The following ATP9B variants were observed in gnomAD, a reference collection of about 807,000 sequenced individuals.
The protein encoded by ATP9B is probable phospholipid-transporting ATPase IIB.
A neutral mutation model predicts 146.1 loss-of-function variants in ATP9B; 110 were observed. That is an observed-to-expected ratio of 0.75 (90% confidence interval 0.65 to 0.88). The LOEUF (loss-of-function observed/expected upper bound fraction) is 0.88, where lower values mean the gene tolerates loss of function less well. Ranked by LOEUF, ATP9B falls within the 40% of genes least tolerant of loss-of-function variation. The pLI, the probability that ATP9B is intolerant of heterozygous loss-of-function variation, is 0.00. For missense variants in ATP9B, 1,499 were observed against 1,496.4 expected, an observed-to-expected ratio of 1.00 and a Z score of -0.03; for synonymous variants, 604 against 569.7, an observed-to-expected ratio of 1.06 and a Z score of -0.86.
intron 7 of ATP9B, among the ~76,000 whole-genome samples, chr18:79,157,838 A>G (rs1215674891): frequency 2.0e-5 from 3 of 152,114 alleles, no homozygotes; most frequent in Admixed American, 1.3e-4. Context: ...TATTTCTGTC[A>G]GGTTGGTAGT....
chr18:79,088,396 G>A (rs1189108158), intron 1 of ATP9B, among the ~76,000 whole-genome samples: 1 of 152,136 alleles, frequency 6.6e-6, no homozygotes, highest in Non-Finnish European at 1.5e-5. Flanking sequence ...TAAAAGAAGT[G>A]ATCTCATACA....
intron 2 of ATP9B, among the ~76,000 whole-genome samples, chr18:79,098,575 C>G (rs988102796): frequency 1.3e-5 from 2 of 151,872 alleles, no homozygotes; most frequent in Non-Finnish European, 2.9e-5. Flanking sequence ...GGGCGAAGGA[C>G]ATGAACAGAC....
At chr18:79,107,680 G>C (rs1188383564) in intron 2 of ATP9B, among the ~76,000 whole-genome samples, 2 of 152,142 alleles carry the variant, frequency 1.3e-5, no homozygotes, top group Non-Finnish European at 2.9e-5. Context: ...TTTTTCCATT[G>C]TGTTTTGTTG....
At chr18:79,367,076 CGT>C (rs2097034958) in intron 26 of ATP9B, among the ~76,000 whole-genome samples, 2 of 141,524 alleles carry the variant, frequency 1.4e-5, no homozygotes, top group African/African-American at 5.3e-5. Flanking sequence ...TCACCTCCAC[CGT>C]GTGTACGCAG....
rs2096606583 is a variant in ATP9B at position 79,303,843 on chromosome 18, C to T, written c.1524+127C>T. On this transcript the variant is annotated intron_variant, in intron 14 of 29. Transcript: ENST00000426216. ...TGGTGGTCTTAACATCCTGCTACTT[C>T]AGTCGTCTGTTCGAATATACGAATC... 1.7e-5 allele frequency: 10 copies of T among 579,760 alleles called. No individual in the cohort carries two copies. In the South Asian group the frequency reaches 2.5e-4, roughly 15 times the overall value. The allele number at this position is 579,760 out of a possible 1,614,324, so 35.9% of individuals were successfully genotyped here.
chr18:79,069,511 G>C lies in ATP9B; in HGVS notation c.101G>C (p.Gly34Ala). ...AYYSAAGPRPGADRHSRYQLE... is the reference protein window; with the variant it reads ...AYYSAAGPRPAADRHSRYQLE... ...TACAGCGCCGCGGGGCCCAGGCCGG[G>C]AGCCGACCGGCACAGCAGGTAACCG... The change falls in exon 1 of 30, where the codon GGA (glycine) becomes GCA (alanine). Residue 34 changes from glycine to alanine, a missense_variant. Gly to Ala is a moderately conservative substitution (Grantham distance 60). Transcript: ENST00000426216. 2 of 1,435,960 alleles carry C rather than the reference G, an allele frequency of 1.4e-6. No homozygotes were observed. The highest frequency in any genetic ancestry group is 1.8e-6 in the Non-Finnish European group (2 of 1,092,896). 89.0% of individuals were successfully genotyped at this position (1,435,960 alleles called of 1,614,324 possible).
chr18:79,362,137 T>C (rs896817183), intron 26 of ATP9B: 1 of 152,232 alleles, frequency 6.6e-6, no homozygotes. Context: ...AGGCAAGGCA[T>C]GCATTCCCTG....
intron 15 of ATP9B, among the ~76,000 whole-genome samples, chr18:79,320,448 G>A (rs566867644): frequency 1.1e-4 from 16 of 152,194 alleles, no homozygotes; most frequent in African/African-American, 1.9e-4. Flanking sequence ...CTGCGCGGCC[G>A]GCACTCCACA....
At chr18:79,126,160 T>C in intron 4 of ATP9B, 107 bp from the exon 5 acceptor site, 1 of 845,984 alleles carries the variant, frequency 1.2e-6, no homozygotes, top group Non-Finnish European at 1.8e-6. Flanking sequence ...ATTTTATGTT[T>C]TAGAGAGTAA....
intron 29 of ATP9B, chr18:79,376,417 C>T: frequency 1.0e-6 from 1 of 973,642 alleles, no homozygotes; most frequent in Non-Finnish European, 1.2e-6. Flanking sequence ...GAGACGAAGT[C>T]TCACTCTTGT....
chr18:79,144,936 G>A lies in ATP9B; in HGVS notation c.726+1076G>A, dbSNP rs1466441734. On this transcript the variant is annotated intron_variant, in intron 6 of 29. Coordinates refer to ENST00000426216, the MANE Select transcript of ATP9B (RefSeq NM_198531.5). ...AAAGAAGAAGTTTAGATCAGTGTAC[G>A]AAGAAGCTATAAGAAAAACATCAAA... 6.6e-5 allele frequency: 14 copies of A among 212,610 alleles called. No individual in the cohort carries two copies. In the East Asian group the frequency reaches 1.2e-3, roughly 18 times the overall value. The allele number at this position is 212,610 out of a possible 1,614,324, so 13.2% of individuals were successfully genotyped here.
chr18:79,098,865 C>T (rs1220430670), intron 2 of ATP9B, among the ~76,000 whole-genome samples: 1 of 152,112 alleles, frequency 6.6e-6, no homozygotes, highest in African/African-American at 2.4e-5. Context: ...ATCTTTCATT[C>T]CATTGACATT....
At chr18:79,237,179 G>A (rs2095849116) in intron 11 of ATP9B, among the ~76,000 whole-genome samples, 1 of 84,048 alleles carries the variant, frequency 1.2e-5, no homozygotes, top group African/African-American at 5.0e-5. Flanking sequence ...TCCCCACTGT[G>A]TACACAGTCC....
intron 26 of ATP9B, among the ~76,000 whole-genome samples, chr18:79,370,247 G>A (rs1389426884): frequency 6.6e-6 from 1 of 152,170 alleles, no homozygotes; most frequent in Non-Finnish European, 1.5e-5. Context: ...CTGGCATTGT[G>A]CATATTTTAT....
chr18:79,199,931 C>T (rs2095451882), intron 9 of ATP9B, among the ~76,000 whole-genome samples: 1 of 152,132 alleles, frequency 6.6e-6, no homozygotes, highest in African/African-American at 2.4e-5. Context: ...GTTTTTCTGG[C>T]AGAACCCTGG....
chr18:79,320,289 G>A (rs1399968385), intron 15 of ATP9B, among the ~76,000 whole-genome samples: 1 of 152,170 alleles, frequency 6.6e-6, no homozygotes, highest in Non-Finnish European at 1.5e-5. Flanking sequence ...TCCCTAGAAC[G>A]CAGCGGAGGC....
At chr18:79,339,003 G>T (rs2096842048) in intron 19 of ATP9B, among the ~76,000 whole-genome samples, 1 of 152,226 alleles carries the variant, frequency 6.6e-6, no homozygotes, top group South Asian at 2.1e-4. Flanking sequence ...TTTCCTTGCT[G>T]TCTAGAGGTC....
At chr18:79,157,206 ATAC>A (rs1288207330) in intron 7 of ATP9B, among the ~76,000 whole-genome samples, 4 of 112,108 alleles carry the variant, frequency 3.6e-5, no homozygotes, top group Non-Finnish European at 7.1e-5. Flanking sequence ...ACTAAAAAAA[ATAC>A]ACACACACAC....
chr18:79,070,037 T>C (rs1314119435), intron 1 of ATP9B, among the ~76,000 whole-genome samples: 1 of 152,258 alleles, frequency 6.6e-6, no homozygotes, highest in Non-Finnish European at 1.5e-5. Context: ...AAGTGCTTTT[T>C]GTCGACAAGT....
Sources: allele counts gnomAD v4.1 joint callset (sites outside exome capture counted in the v4.1 genomes callset), GRCh38; gene constraint gnomAD v4.1.1; transcripts MANE v1.5; gene names NCBI Gene and HGNC (gene_info 2026-07-23, HGNC 2026-07-21).